Variants in CTDSPL observed in about 807,000 individuals in gnomAD.
CTDSPL encodes CTD small phosphatase like.
A neutral mutation model predicts 30.5 loss-of-function variants in CTDSPL; 8 were observed. The observed-to-expected ratio is 0.26, with a 90% CI of 0.15 to 0.47. The LOEUF is 0.47. Ranked by LOEUF, CTDSPL falls within the 20% of genes least tolerant of loss-of-function variation. The probability of loss-of-function intolerance (pLI) is 0.99; values close to 1 mark genes in which losing one functional copy is unlikely to be tolerated. For missense variants in CTDSPL, 248 were observed against 366.1 expected, an observed-to-expected ratio of 0.68 and a Z score of 2.63; for synonymous variants, 110 against 137.9, an observed-to-expected ratio of 0.80 and a Z score of 1.42.
At chr3:37,901,805 C>G (rs1481725677) in intron 1 of CTDSPL, among the ~76,000 whole-genome samples, 2 of 152,094 alleles carry the variant, frequency 1.3e-5, no homozygotes, top group Non-Finnish European at 2.9e-5. Context: ...TTGAGCTACA[C>G]AAAAATCAGA....
At chr3:37,979,634 C>T (rs576042877) in intron 7 of CTDSPL, among the ~76,000 whole-genome samples, 10 of 152,182 alleles carry the variant, frequency 6.6e-5, no homozygotes, top group Admixed American at 3.3e-4. Flanking sequence ...CGTGGTGCCA[C>T]ATGCCTATAG....
intron 1 of CTDSPL, among the ~76,000 whole-genome samples, chr3:37,865,963 A>C (rs1698004518): frequency 6.6e-6 from 1 of 152,206 alleles, no homozygotes; most frequent in African/African-American, 2.4e-5. Context: ...GAGAAGATTG[A>C]AAATAGGTGG....
At chr3:37,955,424 C>G (rs1699159912) in intron 2 of CTDSPL, among the ~76,000 whole-genome samples, 1 of 152,142 alleles carries the variant, frequency 6.6e-6, no homozygotes, top group African/African-American at 2.4e-5. Flanking sequence ...AAGACCCCAT[C>G]TGTAAAGTAA....
chr3:37,953,273 G>T (rs557339556), intron 2 of CTDSPL, among the ~76,000 whole-genome samples: 1 of 152,098 alleles, frequency 6.6e-6, no homozygotes, highest in Admixed American at 6.5e-5. Flanking sequence ...CCTCATTCAC[G>T]TGCCTACGCC....
intron 6 of CTDSPL, 94 bp downstream of exon 6, chr3:37,971,593 G>A (rs1448244026): frequency 1.8e-5 from 21 of 1,149,134 alleles, no homozygotes; most frequent in Non-Finnish European, 2.0e-5. Flanking sequence ...TTGTTTTGGT[G>A]GGGGAAGCCA....
Position 37,861,934 on chromosome 3 carries a change from G to T in CTDSPL, c.-266G>T, listed in dbSNP as rs2125584354. ...CCAGCGGCGCCGGGCCTCCCGCTCC[G>T]CCTCCCCGTGCGCGGCTCTCCCGGG... On this transcript the variant is annotated 5_prime_UTR_variant, in exon 1 of 8. Transcript: ENST00000273179. 7.4e-6 allele frequency: 1 copy of T among 135,520 alleles called. No homozygotes were observed. Among genetic ancestry groups the T allele is most frequent in the Non-Finnish European group, 1.6e-5 (1 of 62,730 alleles). 8.4% of individuals were successfully genotyped at this position (135,520 alleles called of 1,614,324 possible). A position where few individuals can be genotyped will look rare whatever the true frequency, so the allele number is the denominator to read the frequency against.
intron 1 of CTDSPL, among the ~76,000 whole-genome samples, chr3:37,920,230 A>G (rs956303249): frequency 5.9e-5 from 9 of 152,070 alleles, no homozygotes; most frequent in Non-Finnish European, 8.8e-5. Flanking sequence ...ATGCTCAGAT[A>G]CTTTGTCTTG....
intron 1 of CTDSPL, among the ~76,000 whole-genome samples, chr3:37,945,495 G>A (rs949960819): frequency 1.3e-5 from 2 of 152,138 alleles, no homozygotes; most frequent in African/African-American, 2.4e-5. Flanking sequence ...GTGAACTATC[G>A]GGACCTACAG....
chr3:37,862,317 C>G lies in CTDSPL; in HGVS notation c.79+39C>G. ...CAGGCGGCCGCGGGCTGGGGGCGAG[C>G]GCACACCCCGCGCCGCTGGAGTTCA... On this transcript the variant is annotated intron_variant, in intron 1 of 7. Transcript: ENST00000273179. The surrounding 1 kb of genome is among the most constrained non-coding windows in gnomAD (Gnocchi z 4.3). The G allele has an allele frequency of 7.0e-7, 1 of 1,429,706 alleles. No homozygotes were observed. The allele number at this position is 1,429,706 out of a possible 1,614,324, so 88.6% of individuals were successfully genotyped here.
At chr3:37,949,220 G>C (rs1699080720) in intron 2 of CTDSPL, among the ~76,000 whole-genome samples, 1 of 152,182 alleles carries the variant, frequency 6.6e-6, no homozygotes, top group Admixed American at 6.5e-5. Flanking sequence ...TAAGTTGCTG[G>C]TAACAATGTT....
intron 2 of CTDSPL, among the ~76,000 whole-genome samples, chr3:37,948,808 C>CTTTTTTTTTTTTTTTTT (rs71635858): frequency 1.3e-4 from 14 of 108,192 alleles, no homozygotes; most frequent in African/African-American, 4.5e-4. Context: ...TTCCAGCTTT[C>CTTTTTTTTTTTTTTTTT]TTTTTTTTTT....
intron 1 of CTDSPL, among the ~76,000 whole-genome samples, chr3:37,879,525 C>T (rs952511125): frequency 2.0e-5 from 3 of 152,270 alleles, no homozygotes; most frequent in Non-Finnish European, 2.9e-5. Context: ...GATTCTCCTT[C>T]TGTGCCACTT....
intron 1 of CTDSPL, among the ~76,000 whole-genome samples, chr3:37,940,657 G>A (rs1417170061): frequency 6.6e-6 from 1 of 150,420 alleles, no homozygotes; most frequent in Non-Finnish European, 1.5e-5. Flanking sequence ...AGAGTCTTTG[G>A]TCCAGGGTGG....
chr3:37,886,683 A>G (rs1276560088), intron 1 of CTDSPL, among the ~76,000 whole-genome samples: 1 of 152,234 alleles, frequency 6.6e-6, no homozygotes, highest in East Asian at 1.9e-4. Context: ...TCAGACATGA[A>G]TGCTACTTGT....
chr3:37,920,248 A>T (rs976997023), intron 1 of CTDSPL, among the ~76,000 whole-genome samples: 2 of 152,162 alleles, frequency 1.3e-5, no homozygotes, highest in Non-Finnish European at 2.9e-5. Flanking sequence ...TTGAGGGCAG[A>T]ACCAGCCTGG....
At chr3:37,941,438 CAG>C (rs1162133269) in intron 1 of CTDSPL, among the ~76,000 whole-genome samples, 3 of 143,688 alleles carry the variant, frequency 2.1e-5, no homozygotes, top group Non-Finnish European at 3.1e-5. Flanking sequence ...TTTTTTGAGA[CAG>C]AGTCTCACCC....
At chr3:37,886,988 G>A (rs1195796652) in intron 1 of CTDSPL, among the ~76,000 whole-genome samples, 1 of 152,148 alleles carries the variant, frequency 6.6e-6, no homozygotes, top group African/African-American at 2.4e-5. Context: ...TCTCTTTTGA[G>A]CTCACTGATA....
Position 37,921,153 on chromosome 3 carries a change from C to T in CTDSPL, c.80-25904C>T, listed in dbSNP as rs144360838. Among the ~76,000 whole-genome samples, 19 of 152,334 alleles carry T rather than the reference C, an allele frequency of 1.2e-4. No individual in the cohort carries two copies. The East Asian group carries it at 2.1e-3, about 17-fold the overall frequency. ...TTCTTATGCATCGTTTTATCTTTTCCTCACATCTTCTGGCAGCGGGCAGCA... is the reference window on the plus strand; with the variant it reads ...TTCTTATGCATCGTTTTATCTTTTCTTCACATCTTCTGGCAGCGGGCAGCA... On this transcript the variant is annotated intron_variant, in intron 1 of 7. Transcript: ENST00000273179.
At chr3:37,978,316 T>C (rs1032948252) in intron 7 of CTDSPL, among the ~76,000 whole-genome samples, 2 of 152,200 alleles carry the variant, frequency 1.3e-5, no homozygotes, top group African/African-American at 4.8e-5. Context: ...AAGTCTTTGA[T>C]ATAGGTTGAA....
Sources: allele counts gnomAD v4.1 joint callset (sites outside exome capture counted in the v4.1 genomes callset), GRCh38; gene constraint gnomAD v4.1.1; non-coding constraint Gnocchi (gnomAD v3.1); transcripts MANE v1.5; gene names NCBI Gene and HGNC (gene_info 2026-07-23, HGNC 2026-07-21).